Variants in STXBP2 observed in about 807,000 individuals in gnomAD.
The protein encoded by STXBP2 is syntaxin-binding protein 2.
Under a neutral mutation model 72.2 loss-of-function variants are expected in STXBP2, and 47 were observed. The observed-to-expected ratio is 0.65, with a 90% CI of 0.51 to 0.83. The LOEUF is 0.83. Among genes scored for constraint, STXBP2 ranks in the 40% least tolerant of loss-of-function variants. The probability of loss-of-function intolerance (pLI) is 0.00; values close to 1 mark genes in which losing one functional copy is unlikely to be tolerated. For missense variants in STXBP2, 702 were observed against 807.6 expected (o/e 0.87, Z 1.58); for synonymous variants, 367 against 338.7 (o/e 1.08, Z -0.92).
chr19:7,640,334 G>T, intron 4 of STXBP2: 1 of 546,890 alleles, frequency 1.8e-6, no homozygotes, highest in Non-Finnish European at 3.4e-6. Flanking sequence ...GCGTGTGTAT[G>T]CGTGTGTGTA....
At chr19:7,632,509 G>A (rs1446430014), upstream of STXBP2, 1 of 1,613,206 alleles carries the variant, frequency 6.2e-7, no homozygotes, top group Non-Finnish European at 8.5e-7. This position sits in a 1 kb window ranked among gnomAD's most constrained non-coding sequence, Gnocchi z 5.2. Context: ...TCGGGGGTGG[G>A]GTCGCTCTCT....
chr19:7,633,083 C>CA, upstream of STXBP2: 9 of 1,241,058 alleles, frequency 7.3e-6, no homozygotes, highest in Non-Finnish European at 9.8e-6. Flanking sequence ...AAGGGACAGG[C>CA]TCCGATGCGT....
rs758514711 is a variant in STXBP2 at position 7,642,871 on chromosome 19, C to T, written c.960+48C>T. The T allele has an allele frequency of 4.3e-6, 7 of 1,613,454 alleles. No individual in the cohort carries two copies. Among genetic ancestry groups the T allele is most frequent in the South Asian group, 1.1e-5 (1 of 91,076 alleles). ...AAAGGCGCTGGTGGAAGGAAGCCCC[C>T]CTCCCCATGGGCGCAGGGCCACAGC... On this transcript the variant is annotated intron_variant, in intron 11 of 18. Coordinates refer to ENST00000221283, the MANE Select transcript of STXBP2 (RefSeq NM_006949.4). This position sits in a 1 kb window ranked among gnomAD's most constrained non-coding sequence, Gnocchi z 6.0.
chr19:7,645,726 C>T (rs1356349847), intron 15 of STXBP2, among the ~76,000 whole-genome samples: 3 of 152,050 alleles, frequency 2.0e-5, no homozygotes, highest in Admixed American at 6.5e-5. Flanking sequence ...TCAGCCTCTC[C>T]TGTCTCTCTC....
upstream of STXBP2, among the ~76,000 whole-genome samples, chr19:7,634,704 A>G (rs1034629327): frequency 3.3e-5 from 5 of 152,156 alleles, no homozygotes; most frequent in East Asian, 1.9e-4. Flanking sequence ...TATTGAGCCA[A>G]CGTTCCAGAG....
chr19:7,636,964 A>C (rs1599385725), upstream of STXBP2: 5 of 523,270 alleles, frequency 9.6e-6, no homozygotes. Flanking sequence ...GCGCGGACGC[A>C]CCTGCCCGTC....
chr19:7,631,411 G>GCCCCCCCCCCCCCC, the STXBP2 span: 1 of 886,134 alleles, frequency 1.1e-6, no homozygotes, highest in Non-Finnish European at 1.7e-6. Context: ...GGGGGGGGTG[G>GCCCCCCCCCCCCCC]TCCCGGCTCT....
upstream of STXBP2, among the ~76,000 whole-genome samples, chr19:7,635,927 C>G (rs2146200695): frequency 6.6e-6 from 1 of 152,268 alleles, no homozygotes; most frequent in East Asian, 1.9e-4. Context: ...CACCCTCCAG[C>G]CTTCTTAAGC....
chr19:7,639,090 G>A lies in STXBP2; in HGVS notation c.159G>A (p.Glu53=). Residue 53 remains glutamate, a synonymous_variant, in exon 3 of 19, where the codon GAG becomes GAA. Coordinates refer to ENST00000221283, the MANE Select transcript of STXBP2 (RefSeq NM_006949.4). ...GCAAAATGTCAGATATCCTGGCTGA[G>A]GGCATCACCAGTGAGTGAACGCGTC... is the stretch of plus-strand genomic sequence containing the variant. The part of the protein sequence containing the change: ...SCCKMSDILA[E]GITIVEDINK... The A allele has an allele frequency of 6.2e-7, 1 of 1,614,194 alleles. No individual in the cohort carries two copies. Among genetic ancestry groups the A allele is most frequent in the Non-Finnish European group, 8.5e-7 (1 of 1,180,018 alleles).
the STXBP2 span, chr19:7,631,147 G>A: frequency 4.3e-6 from 4 of 935,062 alleles, no homozygotes; most frequent in Non-Finnish European, 6.1e-6. Context: ...GGTGGAGGTT[G>A]CAGTGAGCCC....
chr19:7,645,998 C>T, intron 15 of STXBP2: 2 of 576,512 alleles, frequency 3.5e-6, no homozygotes, highest in East Asian at 2.9e-5. Flanking sequence ...TATCTCTTTG[C>T]CTATCTCTGC....
At chr19:7,638,592 ATCC>A (rs2031659900) in intron 1 of STXBP2, 131 bp from the exon 2 acceptor site, 1 of 911,274 alleles carries the variant, frequency 1.1e-6, no homozygotes, top group African/African-American at 1.7e-5. Flanking sequence ...ACAGAGTGAG[ATCC>A]TCCTCTCTTA....
At chr19:7,644,022 GGTGGGA>G in intron 13 of STXBP2, among the ~76,000 whole-genome samples, 1 of 149,808 alleles carries the variant, frequency 6.7e-6, no homozygotes, top group South Asian at 2.1e-4. Flanking sequence ...ACCTCGGAGA[GGTGGGA>G]CCTGGGTGAG....
At chr19:7,630,707 G>A in the STXBP2 span, 9 of 1,531,828 alleles carry the variant, frequency 5.9e-6, no homozygotes, top group South Asian at 8.3e-5. Context: ...GGTGGGAGAG[G>A]GTGTGGGGCA....
At position 7,639,790 on chromosome 19, in the gene STXBP2, C is replaced by T. The variant is rs749368910; in HGVS notation, c.229C>T (p.Leu77=). 1.9e-6 allele frequency: 3 copies of T among 1,613,892 alleles called. No homozygotes were observed. Among genetic ancestry groups the T allele is most frequent in the Non-Finnish European group, 2.5e-6 (3 of 1,179,980 alleles). Reference sequence around the variant, plus strand: ...TCCCAGTCTGGAGGCCATTTATTTGCTGAGCCCCACGGAGAAGGTGCCTAC... The same window carrying T: ...TCCCAGTCTGGAGGCCATTTATTTGTTGAGCCCCACGGAGAAGGTGCCTAC... ...PIPSLEAIYL[L]SPTEKSVQAL... is the part of the protein sequence containing the mutation. Residue 77 remains leucine (L), a synonymous_variant, in exon 4 of 19, where the codon CTG becomes TTG. Transcript: ENST00000221283.
chr19:7,643,135 A>G (rs955134172), intron 12 of STXBP2, 30 bp from the exon 13 acceptor site: 11 of 1,613,766 alleles, frequency 6.8e-6, no homozygotes, highest in Non-Finnish European at 9.3e-6. Context: ...AGCCTTTGTT[A>G]TCCCCCAACC....
At position 7,647,843 on chromosome 19, in the gene STXBP2, A is replaced by G. The variant is rs1166571926; in HGVS notation, c.*33A>G. The G allele has an allele frequency of 6.5e-7, 1 of 1,542,020 alleles. No homozygotes were observed. The highest frequency in any genetic ancestry group is 8.8e-7 in the Non-Finnish European group (1 of 1,130,280). On this transcript the variant is annotated 3_prime_UTR_variant, in exon 19 of 19. Transcript: ENST00000221283. The stretch of plus-strand genomic sequence containing the variant: ...CCCCGCCCCCTACCCCTCCCTTTCC[A>G]GAGAAATAAACTCTTCCCGTCGCTC...
chr19:7,646,203 C>G, intron 15 of STXBP2, 46 bp from the exon 16 acceptor site: 1 of 1,533,138 alleles, frequency 6.5e-7, no homozygotes, highest in South Asian at 1.2e-5. Context: ...TGTGACCAGC[C>G]TCCTTCCCCT....
At chr19:7,633,423 G>C, upstream of STXBP2, 1 of 1,575,678 alleles carries the variant, frequency 6.3e-7, no homozygotes. Flanking sequence ...ACAGGGGCCT[G>C]AGCCTTCCTC....
Sources: allele counts gnomAD v4.1 joint callset (sites outside exome capture counted in the v4.1 genomes callset), GRCh38; gene constraint gnomAD v4.1.1; non-coding constraint Gnocchi (gnomAD v3.1); transcripts MANE v1.5; gene names NCBI Gene and HGNC (gene_info 2026-07-23, HGNC 2026-07-21).